The following PPT1 variants were observed in gnomAD, a reference collection of about 807,000 sequenced individuals.
PPT1 encodes the protein ceroid-palmitoyl-palmitoyl-protein thioesterase 1.
In PPT1, 24 loss-of-function variants were observed where a neutral mutation model predicts 44.0. The ratio of observed to expected loss-of-function variants is 0.54; its 90% CI spans 0.39 to 0.77. The LOEUF (loss-of-function observed/expected upper bound fraction) is 0.77. Among genes scored for constraint, PPT1 ranks in the 30% least tolerant of loss-of-function variants. The pLI, the probability that PPT1 is intolerant of heterozygous loss-of-function variation, is 0.00. For synonymous variants in PPT1, 148 were observed against 140.2 expected (o/e 1.06, Z -0.39); for missense variants, 341 against 378.8 (o/e 0.90, Z 0.83).
intron 8 of PPT1, chr1:40,075,287 T>TAGGTAACA (rs1271684955): frequency 8.5e-5 from 13 of 152,092 alleles, no homozygotes; most frequent in Non-Finnish European, 1.5e-5. Context: ...ATCCAACCGT[T>TAGGTAACA]AGGTAACAAA....
Position 40,073,004 on chromosome 1 carries a change from G to A in PPT1, c.*1057C>T, listed in dbSNP as rs554188642. The A allele has an allele frequency of 5.3e-5, 8 of 152,342 alleles. No homozygotes were observed. The South Asian group carries it at 1.7e-3, about 32-fold the overall frequency. The allele number at this position is 152,342 out of a possible 1,614,324, so 9.4% of individuals were successfully genotyped here. ...GTGTAGGAAATGGTAGATTACGTTA[G>A]TTTTGTTTACTGTAACAGGAATTCT... On this transcript the variant is annotated 3_prime_UTR_variant, in exon 9 of 9. Coordinates refer to ENST00000642050, the MANE Select transcript of PPT1 (RefSeq NM_000310.4).
At chr1:40,096,142 A>ACAAAAC (rs59876222) in intron 1 of PPT1, among the ~76,000 whole-genome samples, 13,085 of 152,092 alleles carry the variant, frequency 0.086, 805 homozygotes, top group African/African-American at 0.17. Context: ...TTGTACTCAG[A>ACAAAAC]TGTCACTTTT....
At chr1:40,072,252 GAAAA>G, downstream of PPT1, 18 of 160,212 alleles carry the variant, frequency 1.1e-4, no homozygotes, top group Admixed American at 1.3e-4. Context: ...ACTTTAAAAG[GAAAA>G]AAAAAAAAAA....
chr1:40,088,303 C>T (rs555839641), intron 5 of PPT1, among the ~76,000 whole-genome samples: 36 of 152,174 alleles, frequency 2.4e-4, no homozygotes, highest in Admixed American at 5.2e-4. Flanking sequence ...TGCGCCACCA[C>T]GCCCAGTTAA....
intron 5 of PPT1, among the ~76,000 whole-genome samples, chr1:40,083,163 C>T (rs139863518): frequency 1.2e-4 from 18 of 152,290 alleles, no homozygotes; most frequent in African/African-American, 4.3e-4. Flanking sequence ...AACATTACCA[C>T]GCAGCTGGGC....
intron 5 of PPT1, among the ~76,000 whole-genome samples, chr1:40,085,441 C>T (rs375847772): frequency 1.8e-4 from 28 of 152,288 alleles, no homozygotes; most frequent in East Asian, 9.7e-4. Context: ...CCAGTCTCCA[C>T]GTCTTGGTGG....
rs969186248 is a variant in PPT1, at chr1:40,088,166, C to T, written c.536+1244G>A. On this transcript the variant is annotated intron_variant, in intron 5 of 8. Coordinates refer to ENST00000642050, the MANE Select transcript of PPT1 (RefSeq NM_000310.4). ...AACTTTTTTTTTTTTTTTTTTGAGA[C>T]GGAGTCTCCCTCTGTTGCCTAGGCT... Among the ~76,000 whole-genome samples the T allele has an allele frequency of 5.5e-5, 8 of 144,766 alleles. No individual in the cohort carries two copies. In the South Asian group the frequency reaches 8.7e-4, roughly 16 times the overall value. The allele number at this position is 144,766 out of a possible 152,430, so 95.0% of individuals were successfully genotyped here. A position where few individuals can be genotyped will look rare whatever the true frequency, so the allele number is the denominator to read the frequency against.
chr1:40,078,108 G>A (rs1443231973), intron 7 of PPT1, among the ~76,000 whole-genome samples: 1 of 152,158 alleles, frequency 6.6e-6, no homozygotes, highest in Non-Finnish European at 1.5e-5. Flanking sequence ...ATGGACCTCA[G>A]GTGAAGAACT....
At position 40,085,630 on chromosome 1, in the gene PPT1, C is replaced by A. The variant is rs541651623; in HGVS notation, c.536+3780G>T. Reference sequence around the variant, plus strand: ...AGCAGCCATCAACACCGAGGCAAGACCCTCCACCAGCAAAAAGATGACTTG... The same window carrying A: ...AGCAGCCATCAACACCGAGGCAAGAACCTCCACCAGCAAAAAGATGACTTG... On this transcript the variant is annotated intron_variant, in intron 5 of 8. Transcript: ENST00000642050. 1.8e-3 allele frequency among the ~76,000 whole-genome samples: 277 copies of A among 152,290 alleles called. 2 individuals are homozygous for A. The highest frequency in any genetic ancestry group is 4.9e-3 in the Admixed American group (75 of 15,302).
intron 5 of PPT1, among the ~76,000 whole-genome samples, chr1:40,087,064 A>T (rs544934580): frequency 6.6e-6 from 1 of 152,028 alleles, no homozygotes; most frequent in East Asian, 2.0e-4. Flanking sequence ...TCTCACACTC[A>T]TTCATCTGCT....
In PPT1 at chr1:40,097,106, C is replaced by G. The variant is rs547801545; in HGVS notation, c.124+9G>C. On this transcript the variant is annotated intron_variant, in intron 1 of 8. Coordinates refer to ENST00000642050, the MANE Select transcript of PPT1 (RefSeq NM_000310.4). ...TCGCCAAACCCTTTTAAATTTCTCA[C>G]TCACTCACCCATCCCATGCCAGATC... 11 of 1,614,040 alleles carry G rather than the reference C, an allele frequency of 6.8e-6. No individual in the cohort carries two copies. The South Asian group carries it at 1.2e-4, about 18-fold the overall frequency.
chr1:40,074,430 GCTTCTT>G (rs1435736239), intron 8 of PPT1, among the ~76,000 whole-genome samples: 1 of 126,362 alleles, frequency 7.9e-6, no homozygotes, highest in African/African-American at 3.2e-5. Flanking sequence ...TGTCCCCCCC[GCTTCTT>G]CTTCTTCTTC....
In PPT1 at chr1:40,073,757, G is replaced by T; in HGVS notation, c.*304C>A. Reference sequence around the variant, plus strand: ...TACTTTAGTTAGTTGTCTCCTTTGGGCCTGGGCACAGTTCTGGCACTGATC... The same window carrying T: ...TACTTTAGTTAGTTGTCTCCTTTGGTCCTGGGCACAGTTCTGGCACTGATC... On this transcript the variant is annotated 3_prime_UTR_variant, in exon 9 of 9. Coordinates refer to ENST00000642050, the MANE Select transcript of PPT1 (RefSeq NM_000310.4). The T allele has an allele frequency of 2.6e-6, 1 of 381,600 alleles. No individual in the cohort carries two copies. The highest frequency in any genetic ancestry group is 4.9e-6 in the Non-Finnish European group (1 of 202,150). 23.6% of individuals were successfully genotyped at this position (381,600 alleles called of 1,614,324 possible). A position where few individuals can be genotyped will look rare whatever the true frequency, so the allele number is the denominator to read the frequency against.
rs1429849193 is a variant in PPT1, at chr1:40,074,162, T to C, written c.820A>G (p.Met274Val). The C allele has an allele frequency of 1.9e-6, 3 of 1,614,218 alleles. No homozygotes were observed. Among genetic ancestry groups the C allele is most frequent in the South Asian group, 1.1e-5 (1 of 91,090 alleles). Residue 274 changes from methionine (M) to valine (V), a missense_variant, in exon 9 of 9, where the codon ATG (methionine) becomes GTG (valine). Met to Val is a conservative substitution (Grantham distance 21). Transcript: ENST00000642050. ...YTQDRLGLKE[M>V]DNAGQLVFLA... ...AACACTAGCTGTCCTGCATTGTCCA[T>C]TTCCTTTAGCCCCAGGCGGTCCTGC...
intron 5 of PPT1, among the ~76,000 whole-genome samples, chr1:40,081,918 T>C (rs867083792): frequency 1.3e-5 from 2 of 152,160 alleles, no homozygotes; most frequent in Admixed American, 6.6e-5. Flanking sequence ...TAGAGACTTG[T>C]TGAATGGCTT....
intron 3 of PPT1, 87 bp from the exon 4 acceptor site, chr1:40,091,486 T>C: frequency 8.3e-7 from 1 of 1,200,664 alleles, no homozygotes; most frequent in South Asian, 1.3e-5. Flanking sequence ...CTAGTCATCC[T>C]CTGTGACTCC....
chr1:40,074,140 A>G lies in PPT1; in HGVS notation c.842T>C (p.Val281Ala). 1 of 1,614,168 alleles carries G rather than the reference A, an allele frequency of 6.2e-7. No homozygotes were observed. Among genetic ancestry groups the G allele is most frequent in the Non-Finnish European group, 8.5e-7 (1 of 1,179,982 alleles). ...ATGGTCCCCTTCTGTAGCCAGAAAC[A>G]CTAGCTGTCCTGCATTGTCCATTTC... ...LKEMDNAGQL[V>A]FLATEGDHLQ... Residue 281 changes from valine (V) to alanine (A), a missense_variant, in exon 9 of 9, where the codon GTG becomes GCG. Val to Ala is a moderately conservative substitution (Grantham distance 64). Transcript: ENST00000642050.
chr1:40,095,254 G>A (rs954956632), intron 1 of PPT1, among the ~76,000 whole-genome samples: 3 of 152,046 alleles, frequency 2.0e-5, no homozygotes, highest in Non-Finnish European at 4.4e-5. Context: ...CCACTTCACC[G>A]GCTATTTGGT....
intron 5 of PPT1, among the ~76,000 whole-genome samples, chr1:40,084,849 C>T (rs1190528308): frequency 6.6e-6 from 1 of 152,200 alleles, no homozygotes; most frequent in African/African-American, 2.4e-5. Flanking sequence ...TAGTGTGAGC[C>T]CTCTGTCATG....
Sources: allele counts gnomAD v4.1 joint callset (sites outside exome capture counted in the v4.1 genomes callset), GRCh38; gene constraint gnomAD v4.1.1; transcripts MANE v1.5; gene names NCBI Gene and HGNC (gene_info 2026-07-23, HGNC 2026-07-21).